Variants in DOK6 observed in about 807,000 individuals in gnomAD.
The protein encoded by DOK6 is docking protein 6, also known as downstream of tyrosine kinase 6.
DOK6 carries 22 observed loss-of-function variants against 44.0 expected under a neutral mutation model. That is an observed-to-expected ratio of 0.50 (90% CI 0.36 to 0.71). DOK6 has a LOEUF of 0.71. DOK6 is among the 30% of genes least tolerant of loss of function. DOK6 has a pLI of 0.00. For missense variants in DOK6, 340 were observed against 416.4 expected (o/e 0.82, Z 1.60); for synonymous variants, 166 against 145.5 (o/e 1.14, Z -1.01).
At chr18:69,584,679 G>T (rs756291218) in intron 2 of DOK6, among the ~76,000 whole-genome samples, 3 of 151,960 alleles carry the variant, frequency 2.0e-5, no homozygotes, top group Admixed American at 6.6e-5. Context: ...TTAGAGAAGA[G>T]ATTAATTCAC....
chr18:69,423,801 T>C (rs527251471), intron 1 of DOK6, among the ~76,000 whole-genome samples: 7 of 152,348 alleles, frequency 4.6e-5, no homozygotes, highest in African/African-American at 1.7e-4. Flanking sequence ...TCTTAAAACA[T>C]AATTTGCTGT....
chr18:69,826,500 G>A lies in DOK6; in HGVS notation c.857-14744G>A, dbSNP rs576078384. On this transcript the variant is annotated intron_variant, in intron 7 of 7. Coordinates refer to ENST00000382713, the MANE Select transcript of DOK6 (RefSeq NM_152721.6). ...CAATTTTTATTGCTGCCCACTGGCA[G>A]AGTGGTACTATGGCTAATAAGGGTT... 3.5e-4 allele frequency among the ~76,000 whole-genome samples: 53 copies of A among 152,294 alleles called. 1 individual carries two copies. The highest frequency in any genetic ancestry group is 2.8e-4 in the Non-Finnish European group (19 of 68,022).
chr18:69,628,962 G>A (rs116588755), intron 3 of DOK6, among the ~76,000 whole-genome samples: 5 of 152,358 alleles, frequency 3.3e-5, no homozygotes, highest in African/African-American at 1.2e-4. Flanking sequence ...TAAGTGCTCA[G>A]CAAAAGAGCC....
At position 69,757,796 on chromosome 18, in the gene DOK6, C is replaced by T. The variant is rs1377828332; in HGVS notation, c.779C>T (p.Ser260Leu). The change falls in exon 7 of 8, where the codon TCA becomes TTA. Residue 260 changes from serine to leucine, a missense_variant. Around this residue, in one of 3 missense-constraint regions of DOK6, gnomAD observed 112 missense variants for 109.3 expected, o/e 1.02. Coordinates refer to ENST00000382713, the MANE Select transcript of DOK6 (RefSeq NM_152721.6). ...ACTGAACCAATGACATTATCCAAATCAATATCTCTTCCTCGCAGCGCGTAC... is the reference window on the plus strand; with the variant it reads ...ACTGAACCAATGACATTATCCAAATTAATATCTCTTCCTCGCAGCGCGTAC... ...SLTEPMTLSK[S>L]ISLPRSAYWH... 6.2e-7 allele frequency: 1 copy of T among 1,614,026 alleles called. No individual in the cohort carries two copies. The highest frequency in any genetic ancestry group is 1.3e-5 in the African/African-American group (1 of 74,942).
At chr18:69,741,068 C>A (rs928807223) in intron 6 of DOK6, among the ~76,000 whole-genome samples, 1 of 152,104 alleles carries the variant, frequency 6.6e-6, no homozygotes, top group African/African-American at 2.4e-5. Flanking sequence ...GTCAATGTAA[C>A]CACAGGCAGT....
At chr18:69,703,322 T>A (rs1986563183) in intron 5 of DOK6, among the ~76,000 whole-genome samples, 1 of 152,212 alleles carries the variant, frequency 6.6e-6, no homozygotes, top group South Asian at 2.1e-4. Flanking sequence ...AGAAACCTCA[T>A]TTATTCTCTG....
intron 3 of DOK6, among the ~76,000 whole-genome samples, chr18:69,641,848 G>C (rs1329748339): frequency 6.6e-6 from 1 of 151,610 alleles, no homozygotes; most frequent in Non-Finnish European, 1.5e-5. Context: ...CACAAAAAAA[G>C]ATTCTGCAGA....
chr18:69,626,927 G>A (rs890638605), intron 3 of DOK6, among the ~76,000 whole-genome samples: 1 of 152,196 alleles, frequency 6.6e-6, no homozygotes, highest in African/African-American at 2.4e-5. Flanking sequence ...TGGGGCCTCT[G>A]TGGTTAGACT....
At chr18:69,802,621 A>G (rs1980935689) in intron 7 of DOK6, among the ~76,000 whole-genome samples, 1 of 152,106 alleles carries the variant, frequency 6.6e-6, no homozygotes, top group East Asian at 1.9e-4. Context: ...CACCGTAATG[A>G]GTGAGTTCTC....
intron 1 of DOK6, among the ~76,000 whole-genome samples, chr18:69,417,426 G>A (rs138260012): frequency 5.3e-5 from 8 of 152,160 alleles, no homozygotes; most frequent in African/African-American, 9.6e-5. Context: ...AGAACATTGC[G>A]TTGTGTATAT....
At chr18:69,813,326 C>A (rs1981298743) in intron 7 of DOK6, among the ~76,000 whole-genome samples, 1 of 152,044 alleles carries the variant, frequency 6.6e-6, no homozygotes, top group Admixed American at 6.6e-5. Flanking sequence ...GTGGGAGTTT[C>A]CAGGTTGAAC....
intron 7 of DOK6, chr18:69,832,864 A>G (rs1981940339): frequency 6.6e-6 from 1 of 152,158 alleles, no homozygotes; most frequent in African/African-American, 2.4e-5. Flanking sequence ...CAGAGAAGTG[A>G]ACATCTTTAC....
chr18:69,409,883 A>T (rs1169826331), intron 1 of DOK6, among the ~76,000 whole-genome samples: 1 of 152,120 alleles, frequency 6.6e-6, no homozygotes, highest in Non-Finnish European at 1.5e-5. Flanking sequence ...TTTTTGTTTA[A>T]ACTTACTAGC....
chr18:69,658,926 A>G (rs1985438849), intron 3 of DOK6, among the ~76,000 whole-genome samples: 1 of 152,232 alleles, frequency 6.6e-6, no homozygotes, highest in African/African-American at 2.4e-5. Context: ...TGTAGATGGT[A>G]AAGACTAGCT....
At chr18:69,760,552 G>A (rs964381923) in intron 7 of DOK6, among the ~76,000 whole-genome samples, 4 of 152,116 alleles carry the variant, frequency 2.6e-5, no homozygotes, top group African/African-American at 4.8e-5. Context: ...AAGCAAAGCA[G>A]GCGCCCTGAG....
intron 3 of DOK6, among the ~76,000 whole-genome samples, chr18:69,616,877 A>G (rs1185673893): frequency 6.6e-6 from 1 of 152,244 alleles, no homozygotes; most frequent in Non-Finnish European, 1.5e-5. Flanking sequence ...TTTTATGCAT[A>G]TATAAACAAA....
chr18:69,556,126 C>G (rs902982615), intron 1 of DOK6, among the ~76,000 whole-genome samples: 88 of 152,156 alleles, frequency 5.8e-4, no homozygotes, highest in Non-Finnish European at 6.5e-4. Context: ...ATTGTGTTCT[C>G]TCACTGCTTA....
At chr18:69,680,691 T>A (rs962213615) in intron 4 of DOK6, among the ~76,000 whole-genome samples, 4 of 152,178 alleles carry the variant, frequency 2.6e-5, no homozygotes, top group African/African-American at 9.7e-5. Flanking sequence ...GCTTCCCCCA[T>A]ACTTATGATA....
chr18:69,693,785 G>T (rs1414300123), intron 4 of DOK6, among the ~76,000 whole-genome samples: 1 of 152,050 alleles, frequency 6.6e-6, no homozygotes, highest in Non-Finnish European at 1.5e-5. Context: ...TAGGCCGGGC[G>T]CGGTGGTTCA....
Sources: gnomAD v4.1 joint callset for allele counts (sites outside exome capture counted in the v4.1 genomes callset) on GRCh38, gnomAD v4.1.1 for gene constraint, gnomAD v4.1.1 regional missense constraint, MANE v1.5 for transcripts, NCBI Gene and HGNC (gene_info 2026-07-23, HGNC 2026-07-21) for gene names.